MYCBP2: variants seen among roughly 807,000 people sequenced by gnomAD.
The protein encoded by MYCBP2 is E3 ubiquitin-protein ligase MYCBP2.
MYCBP2 carries 120 observed loss-of-function variants against 525.3 expected under a neutral mutation model. That is an observed-to-expected ratio of 0.23 (90% CI 0.20 to 0.27). MYCBP2 has a LOEUF of 0.27. Ranked by LOEUF, MYCBP2 falls within the 10% of genes least tolerant of loss-of-function variation. The pLI is 1.00. For missense variants in MYCBP2, 4,149 were observed against 5,657.1 expected (o/e 0.73, Z 8.55); for synonymous variants, 1,894 against 1,955.8 (o/e 0.97, Z 0.83).
intron 52 of MYCBP2, among the ~76,000 whole-genome samples, chr13:77,138,584 G>A (rs1213614653): frequency 1.3e-5 from 2 of 152,134 alleles, no homozygotes; most frequent in African/African-American, 4.8e-5. Context: ...CGAAGTGTGG[G>A]TTATTATTAT....
chr13:77,093,096 C>A, intron 59 of MYCBP2, 69 bp downstream of exon 59: 1 of 1,453,652 alleles, frequency 6.9e-7, no homozygotes, highest in Non-Finnish European at 9.3e-7. Context: ...CTACAGGACT[C>A]TTTTCTAGTT....
chr13:77,169,001 A>C (rs2058835157), intron 39 of MYCBP2, among the ~76,000 whole-genome samples: 1 of 152,234 alleles, frequency 6.6e-6, no homozygotes, highest in Admixed American at 6.5e-5. Flanking sequence ...ATTAATGAAG[A>C]CCATTTGGCA....
At chr13:77,079,993 T>C (rs1218532772) in intron 65 of MYCBP2, among the ~76,000 whole-genome samples, 3 of 152,190 alleles carry the variant, frequency 2.0e-5, no homozygotes. Flanking sequence ...ATTGCAATCA[T>C]TGTTCTGAGG....
intron 54 of MYCBP2, among the ~76,000 whole-genome samples, chr13:77,124,847 T>A (rs1010840992): frequency 2.6e-5 from 4 of 151,948 alleles, no homozygotes; most frequent in African/African-American, 9.7e-5. Context: ...GATAGCCATG[T>A]TGAAAAAGGT....
chr13:77,256,268 T>C (rs933802545), intron 14 of MYCBP2, among the ~76,000 whole-genome samples: 5 of 152,058 alleles, frequency 3.3e-5, no homozygotes, highest in African/African-American at 1.2e-4. Context: ...CCAAAAATGG[T>C]TAAAATTTAA....
intron 35 of MYCBP2, 122 bp from the exon 36 acceptor site, chr13:77,176,750 T>A: frequency 1.2e-6 from 1 of 827,780 alleles, no homozygotes; most frequent in Non-Finnish European, 1.6e-6. Context: ...TAGCCATTAG[T>A]ATTTTCCCAT....
chr13:77,292,957 TCA>T (rs1567178477), intron 2 of MYCBP2, among the ~76,000 whole-genome samples: 1 of 58,642 alleles, frequency 1.7e-5, no homozygotes, highest in African/African-American at 6.8e-5. Context: ...AGACTCCGTC[TCA>T]AAAAAAAAAA....
At chr13:77,184,507 A>G (rs1291100668) in intron 32 of MYCBP2, among the ~76,000 whole-genome samples, 1 of 152,238 alleles carries the variant, frequency 6.6e-6, no homozygotes, top group Non-Finnish European at 1.5e-5. Flanking sequence ...TAAATGTCAG[A>G]TCAAGATGGT....
At chr13:77,054,603 C>CTTT (rs113625592) in intron 80 of MYCBP2, among the ~76,000 whole-genome samples, 2 of 140,104 alleles carry the variant, frequency 1.4e-5, no homozygotes, top group African/African-American at 5.2e-5. Context: ...TTGGTAAAGT[C>CTTT]TTTTTTTTTT....
intron 82 of MYCBP2, among the ~76,000 whole-genome samples, chr13:77,047,940 TGCTGGCA>T (rs928690994): frequency 7.9e-5 from 12 of 152,124 alleles, no homozygotes; most frequent in African/African-American, 2.2e-4. Context: ...CCCCCCTCTC[TGCTGGCA>T]GAGAGCTTTC....
intron 14 of MYCBP2, among the ~76,000 whole-genome samples, chr13:77,255,212 C>A (rs186963059): frequency 6.6e-6 from 1 of 152,048 alleles, no homozygotes; most frequent in East Asian, 1.9e-4. Flanking sequence ...AGTTGCTGTA[C>A]TAATTTACAT....
chr13:77,258,539 A>T (rs2072650522), intron 13 of MYCBP2, among the ~76,000 whole-genome samples: 1 of 152,236 alleles, frequency 6.6e-6, no homozygotes, highest in Admixed American at 6.5e-5. Flanking sequence ...AATTACAAAT[A>T]GTATCAATCT....
rs2039327434 is a variant in MYCBP2, at chr13:77,061,701, G to C, written c.12864C>G (p.Phe4288Leu). The change falls in exon 75 of 83, where the codon TTC becomes TTG. Residue 4288 changes from phenylalanine to leucine, a missense_variant. By Grantham distance (22) the Phe-to-Leu change is conservative. Around this residue, in one of 21 missense-constraint regions of MYCBP2, gnomAD observed 220 missense variants for 396.0 expected, o/e 0.56. Transcript: ENST00000544440. Reference protein sequence around the residue: ...CGNLCTDCDRFLHLHRRTKTH... With the variant: ...CGNLCTDCDRLLHLHRRTKTH... Reference sequence around the variant, plus strand: ...TTTTGGTTCTTCGATGAAGGTGAAGGAATCTGTCACAGTCTGTACATAAAT... The same window carrying C: ...TTTTGGTTCTTCGATGAAGGTGAAGCAATCTGTCACAGTCTGTACATAAAT... 1 of 1,611,612 alleles carries C rather than the reference G, an allele frequency of 6.2e-7. No homozygotes were observed.
At chr13:77,287,855 T>A (rs1594681895) in intron 3 of MYCBP2, among the ~76,000 whole-genome samples, 1 of 152,208 alleles carries the variant, frequency 6.6e-6, no homozygotes, top group African/African-American at 2.4e-5. Flanking sequence ...TCAATGCCTC[T>A]ATACTAGCAT....
rs1351077868 is a variant in MYCBP2, at chr13:77,263,706, G to C, written c.1515C>G (p.Cys505Trp). 2 of 1,613,014 alleles carry C rather than the reference G, an allele frequency of 1.2e-6. No homozygotes were observed. The highest frequency in any genetic ancestry group is 3.3e-4 in the Middle Eastern group (2 of 6,058). The change falls in exon 10 of 83, where the codon TGC becomes TGG. Residue 505 changes from cysteine to tryptophan, a missense_variant. Transcript: ENST00000544440. Reference sequence around the variant, plus strand: ...ATAGTGAGATACCACAGGCATGTAAGCATTTTCTAGCCAGTTTAAGTTGCA... The same window carrying C: ...ATAGTGAGATACCACAGGCATGTAACCATTTTCTAGCCAGTTTAAGTTGCA... ...QELQLKLARKCLHACGISLFD... is the reference protein window; with the variant it reads ...QELQLKLARKWLHACGISLFD...
At position 77,053,957 on chromosome 13, in the gene MYCBP2, A is replaced by G. The variant is rs1451058716; in HGVS notation, c.13647+1601T>C. Among the ~76,000 whole-genome samples the G allele has an allele frequency of 5.6e-4, 86 of 152,228 alleles. 1 individual carries two copies. Among genetic ancestry groups the G allele is most frequent in the Non-Finnish European group, 1.0e-4 (7 of 68,038 alleles). On this transcript the variant is annotated intron_variant, in intron 80 of 82. Transcript: ENST00000544440. ...GGAACTTATCAAGTAGGGCAGAGAG[A>G]TAAGTGGTCCAGTAGTCATAATGCA...
chr13:77,153,088 A>G lies in MYCBP2; in HGVS notation c.6916-2139T>C, dbSNP rs965321444. On this transcript the variant is annotated intron_variant, in intron 46 of 82. Transcript: ENST00000544440. ...TCAAAAAAAAAAAAAAAAAAAAAAAATCTGCTGTATTCACGCATTCATCGC... is the reference window on the plus strand; with the variant it reads ...TCAAAAAAAAAAAAAAAAAAAAAAAGTCTGCTGTATTCACGCATTCATCGC... 5.6e-5 allele frequency among the ~76,000 whole-genome samples: 8 copies of G among 141,702 alleles called. No homozygotes were observed. In the Admixed American group the frequency reaches 5.7e-4, roughly 10 times the overall value. 93.0% of individuals were successfully genotyped at this position (141,702 alleles called of 152,430 possible). A position where few individuals can be genotyped will look rare whatever the true frequency, so the allele number is the denominator to read the frequency against.
chr13:77,291,831 C>T (rs1367894736), intron 2 of MYCBP2, among the ~76,000 whole-genome samples: 1 of 151,582 alleles, frequency 6.6e-6, no homozygotes, highest in African/African-American at 2.4e-5. Flanking sequence ...AAAAAGTTAA[C>T]GCTGCAGGCA....
rs2062431848 is a variant in MYCBP2, at chr13:77,200,803, G to C, written c.3843+4453C>G. Among the ~76,000 whole-genome samples, 3 of 152,152 alleles carry C rather than the reference G, an allele frequency of 2.0e-5. No individual in the cohort carries two copies. The South Asian group carries it at 6.2e-4, about 32-fold the overall frequency. On this transcript the variant is annotated intron_variant, in intron 26 of 82. Coordinates refer to ENST00000544440, the MANE Select transcript of MYCBP2 (RefSeq NM_015057.5). ...TATCCAGCCAAACTAAGCTTCATAA[G>C]TGAAGGAGAAATAAAATACTTTACA... is the stretch of plus-strand genomic sequence containing the variant.
Sources: gnomAD v4.1 joint callset for allele counts (sites outside exome capture counted in the v4.1 genomes callset) on GRCh38, gnomAD v4.1.1 for gene constraint, gnomAD v4.1.1 regional missense constraint, MANE v1.5 for transcripts, NCBI Gene and HGNC (gene_info 2026-07-23, HGNC 2026-07-21) for gene names.